Variants in CTDSPL observed in about 807,000 individuals in gnomAD.
CTDSPL encodes CTD small phosphatase like, also known as CTD small phosphatase-like protein.
A neutral mutation model predicts 30.5 loss-of-function variants in CTDSPL; 8 were observed. That is an observed-to-expected ratio of 0.26 (90% CI 0.15 to 0.47). The LOEUF is 0.47. Among genes scored for constraint, CTDSPL ranks in the 20% least tolerant of loss-of-function variants. CTDSPL has a pLI of 0.99. For synonymous variants in CTDSPL, 110 were observed against 137.9 expected (o/e 0.80, Z 1.42); for missense variants, 248 against 366.1 (o/e 0.68, Z 2.63).
chr3:37,908,370 T>A (rs1046839441), intron 1 of CTDSPL, among the ~76,000 whole-genome samples: 1 of 152,248 alleles, frequency 6.6e-6, no homozygotes, highest in African/African-American at 2.4e-5. Flanking sequence ...TTGATTGATA[T>A]ACCCTCTATA....
Position 37,975,919 on chromosome 3 carries a change from T to C in CTDSPL, c.705+25T>C, listed in dbSNP as rs544065057. On this transcript the variant is annotated intron_variant, in intron 7 of 7. Transcript: ENST00000273179. This position sits in a 1 kb window ranked among gnomAD's most constrained non-coding sequence, Gnocchi z 4.9. ...AGTAAGTGGCCCCAAAGAAAGAAAA[T>C]GTCGTGCTCCATCTGAGCCCTCTGT... 6 of 1,606,700 alleles carry C rather than the reference T, an allele frequency of 3.7e-6. No homozygotes were observed. Among genetic ancestry groups the C allele is most frequent in the Non-Finnish European group, 5.1e-6 (6 of 1,174,396 alleles).
intron 1 of CTDSPL, among the ~76,000 whole-genome samples, chr3:37,941,201 G>T (rs1698973643): frequency 6.7e-6 from 1 of 149,956 alleles, no homozygotes; most frequent in Non-Finnish European, 1.5e-5. Context: ...GGATACACAG[G>T]GACCATGCCC....
At chr3:37,864,517 G>A (rs1229453977) in intron 1 of CTDSPL, among the ~76,000 whole-genome samples, 3 of 152,056 alleles carry the variant, frequency 2.0e-5, no homozygotes, top group African/African-American at 7.3e-5. Flanking sequence ...TTGGCTAGTA[G>A]GTCCTTCTTG....
At chr3:37,907,068 C>T (rs1559630174) in intron 1 of CTDSPL, among the ~76,000 whole-genome samples, 2 of 152,214 alleles carry the variant, frequency 1.3e-5, no homozygotes, top group Non-Finnish European at 2.9e-5. Flanking sequence ...CTGCCAAAAA[C>T]CCCCACTTCC....
At position 37,872,539 on chromosome 3, in the gene CTDSPL, CTTTTTTTT is replaced by C. The variant is rs34657967; in HGVS notation, c.79+10274_79+10281del. Among the ~76,000 whole-genome samples the C allele has an allele frequency of 5.9e-5, 3 of 51,036 alleles. No individual in the cohort carries two copies. The South Asian group carries it at 1.9e-3, about 32-fold the overall frequency. The allele number at this position is 51,036 out of a possible 152,430, so 33.5% of individuals were successfully genotyped here. A position where few individuals can be genotyped will look rare whatever the true frequency, so the allele number is the denominator to read the frequency against. On this transcript the variant is annotated intron_variant, in intron 1 of 7. Transcript: ENST00000273179. ...GATGTCAAGTCTTCCTACTTAGGCT[CTTTTTTTT>C]TTTTTTTTTTTTAAATTCTTTTATC...
chr3:37,897,651 T>C (rs1698404157), intron 1 of CTDSPL, among the ~76,000 whole-genome samples: 1 of 152,158 alleles, frequency 6.6e-6, no homozygotes, highest in Non-Finnish European at 1.5e-5. Flanking sequence ...ACTTTTCATC[T>C]CTAAACATCC....
At chr3:37,961,892 A>G (rs540114029) in intron 3 of CTDSPL, among the ~76,000 whole-genome samples, 1 of 152,188 alleles carries the variant, frequency 6.6e-6, no homozygotes, top group South Asian at 2.1e-4. Context: ...AGTGTTAACT[A>G]TTCATGGCTG....
intron 1 of CTDSPL, among the ~76,000 whole-genome samples, chr3:37,865,551 C>T (rs1199884354): frequency 2.6e-5 from 4 of 152,116 alleles, no homozygotes; most frequent in Admixed American, 2.0e-4. Context: ...CATTTGGCTG[C>T]AAGTAACAGA....
At chr3:37,867,335 C>T (rs1327492703) in intron 1 of CTDSPL, among the ~76,000 whole-genome samples, 1 of 151,808 alleles carries the variant, frequency 6.6e-6, no homozygotes, top group East Asian at 1.9e-4. Flanking sequence ...ATGGATATAC[C>T]ACAGTTTGTT....
chr3:37,870,452 T>C (rs1698059663), intron 1 of CTDSPL, among the ~76,000 whole-genome samples: 1 of 152,158 alleles, frequency 6.6e-6, no homozygotes, highest in South Asian at 2.1e-4. Flanking sequence ...CTCCATCTTA[T>C]TTTTTGTGTG....
chr3:37,923,309 A>G (rs1698739208), intron 1 of CTDSPL, among the ~76,000 whole-genome samples: 1 of 152,146 alleles, frequency 6.6e-6, no homozygotes, highest in Admixed American at 6.5e-5. Context: ...TCAGCTGGAG[A>G]GAGGAGCCTT....
At chr3:37,951,095 C>T (rs1699101794) in intron 2 of CTDSPL, among the ~76,000 whole-genome samples, 1 of 152,128 alleles carries the variant, frequency 6.6e-6, no homozygotes. Context: ...GGGCTGGGTG[C>T]AATGGCTCAT....
At chr3:37,955,847 G>GT (rs1166033131) in intron 2 of CTDSPL, among the ~76,000 whole-genome samples, 2 of 150,418 alleles carry the variant, frequency 1.3e-5, no homozygotes, top group Non-Finnish European at 3.0e-5. Flanking sequence ...TAAAATAAAA[G>GT]TTTTTTTAAA....
At chr3:37,910,811 T>C (rs1041699432) in intron 1 of CTDSPL, among the ~76,000 whole-genome samples, 2 of 152,214 alleles carry the variant, frequency 1.3e-5, no homozygotes. Flanking sequence ...TACTCCATTC[T>C]ACAGGGTGGG....
At chr3:37,892,734 T>C (rs1162548228) in intron 1 of CTDSPL, among the ~76,000 whole-genome samples, 1 of 152,188 alleles carries the variant, frequency 6.6e-6, no homozygotes, top group Admixed American at 6.5e-5. Flanking sequence ...GCAATTGCAC[T>C]TTCCCTACCT....
intron 1 of CTDSPL, among the ~76,000 whole-genome samples, chr3:37,931,022 G>A (rs1698847661): frequency 6.6e-6 from 1 of 151,868 alleles, no homozygotes; most frequent in South Asian, 2.1e-4. Flanking sequence ...CCGTTTACAT[G>A]GAATATCTTT....
At chr3:37,971,619 G>C in intron 6 of CTDSPL, 120 bp downstream of exon 6, 5 of 850,424 alleles carry the variant, frequency 5.9e-6, no homozygotes, top group South Asian at 4.7e-5. Context: ...ATGGTGACAG[G>C]TTCCCACCCC....
intron 1 of CTDSPL, among the ~76,000 whole-genome samples, chr3:37,907,568 C>T (rs1314523830): frequency 6.6e-6 from 1 of 152,084 alleles, no homozygotes; most frequent in African/African-American, 2.4e-5. Flanking sequence ...GAAAGAGTGA[C>T]AGGCTGGGAG....
Position 37,984,313 on chromosome 3 carries a change from G to T in CTDSPL, c.*3446G>T, listed in dbSNP as rs1190024888. 1 of 456,742 alleles carries T rather than the reference G, an allele frequency of 2.2e-6. No homozygotes were observed. Among genetic ancestry groups the T allele is most frequent in the South Asian group, 1.5e-5 (1 of 64,558 alleles). 28.3% of individuals were successfully genotyped at this position (456,742 alleles called of 1,614,324 possible). A position where few individuals can be genotyped will look rare whatever the true frequency, so the allele number is the denominator to read the frequency against. On this transcript the variant is annotated 3_prime_UTR_variant, in exon 8 of 8. Coordinates refer to ENST00000273179, the MANE Select transcript of CTDSPL (RefSeq NM_001008392.2). ...TAGTGGAGATGCTGGTGTCTGGGTA[G>T]TCATGGATTTCTGCTGGACATTTGA...
Sources: allele counts gnomAD v4.1 joint callset (sites outside exome capture counted in the v4.1 genomes callset), GRCh38; gene constraint gnomAD v4.1.1; non-coding constraint Gnocchi (gnomAD v3.1); transcripts MANE v1.5; gene names NCBI Gene and HGNC (gene_info 2026-07-23, HGNC 2026-07-21).